The following FOLH1 variants were observed in gnomAD, a reference collection of about 807,000 sequenced individuals.
The protein encoded by FOLH1 is glutamate carboxypeptidase 2.
In FOLH1, 54 loss-of-function variants were observed where a neutral mutation model predicts 93.9. That is an observed-to-expected ratio of 0.57 (90% CI 0.46 to 0.72). The LOEUF is 0.72. Ranked by LOEUF, FOLH1 falls within the 30% of genes least tolerant of loss-of-function variation. FOLH1 has a pLI of 0.00. For missense variants in FOLH1, 571 were observed against 892.5 expected (o/e 0.64, Z 4.59); for synonymous variants, 249 against 303.6 (o/e 0.82, Z 1.87).
At chr11:49,155,874 G>A (rs752228538) in intron 15 of FOLH1, among the ~76,000 whole-genome samples, 4 of 121,452 alleles carry the variant, frequency 3.3e-5, no homozygotes, top group Middle Eastern at 6.4e-3. Flanking sequence ...ACTTTTACAC[G>A]TACACAGTGT....
chr11:49,194,062 G>A (rs757729093), intron 3 of FOLH1, among the ~76,000 whole-genome samples: 28 of 134,336 alleles, frequency 2.1e-4, no homozygotes, highest in Admixed American at 9.7e-4. Context: ...TGAGACAGGA[G>A]AATCACTTGA....
chr11:49,181,408 C>A (rs915276609), intron 7 of FOLH1, among the ~76,000 whole-genome samples: 4 of 151,882 alleles, frequency 2.6e-5, no homozygotes, highest in African/African-American at 4.8e-5. Context: ...CCGCGCCCAG[C>A]CCCATGTTTT....
intron 4 of FOLH1, among the ~76,000 whole-genome samples, chr11:49,191,903 T>C (rs1862090953): frequency 6.6e-6 from 1 of 152,150 alleles, no homozygotes; most frequent in Admixed American, 6.5e-5. Flanking sequence ...TTTCCCCATG[T>C]TGGCCAGGCT....
At chr11:49,179,473 T>C (rs1413374186) in intron 7 of FOLH1, among the ~76,000 whole-genome samples, 1 of 152,166 alleles carries the variant, frequency 6.6e-6, no homozygotes, top group Non-Finnish European at 1.5e-5. Context: ...TTCACAAATA[T>C]ATGGAAATTA....
chr11:49,179,633 A>G (rs1047727716), intron 7 of FOLH1, among the ~76,000 whole-genome samples: 2 of 152,220 alleles, frequency 1.3e-5, no homozygotes, highest in Non-Finnish European at 2.9e-5. Flanking sequence ...ACATAGCTGT[A>G]AACACCTATA....
chr11:49,169,295 A>G, intron 11 of FOLH1, 37 bp from the exon 12 acceptor site: 1 of 1,586,958 alleles, frequency 6.3e-7, no homozygotes, highest in Non-Finnish European at 8.6e-7. Flanking sequence ...ATAAAGTTAT[A>G]ACCCACTCCC....
intron 15 of FOLH1, among the ~76,000 whole-genome samples, 187 bp downstream of exon 15, chr11:49,156,530 T>G (rs1354227331): frequency 6.6e-6 from 1 of 151,976 alleles, no homozygotes; most frequent in Non-Finnish European, 1.5e-5. Context: ...ACACTTGAAT[T>G]TAGGGTTGGA....
chr11:49,195,670 A>G (rs1862541077), intron 3 of FOLH1, among the ~76,000 whole-genome samples: 1 of 145,136 alleles, frequency 6.9e-6, no homozygotes, highest in South Asian at 2.1e-4. Context: ...TCTCAAGAGC[A>G]ATAAGAAAAA....
rs1864203197 is a variant in FOLH1, at chr11:49,208,296, G to A, written c.114C>T (p.Leu38=). 3.2e-6 allele frequency: 5 copies of A among 1,557,874 alleles called. No individual in the cohort carries two copies. The African/African-American group carries it at 4.1e-5, about 13-fold the overall frequency. The part of the protein sequence containing the change: ...LAGGFFLLGF[L]FGWFIKSSNE... ...CTCCGCGAGGCGCCCCCCTACCGAA[G>A]AGGAAGCCGAGGAGAAAGAAGCCAC... The change falls in exon 1 of 19, where the codon CTC becomes CTT. Residue 38 remains leucine (L), a synonymous_variant. Coordinates refer to ENST00000256999, the MANE Select transcript of FOLH1 (RefSeq NM_004476.3).
At chr11:49,174,846 A>T (rs771259407) in intron 9 of FOLH1, 46 bp downstream of exon 9, 4 of 1,460,058 alleles carry the variant, frequency 2.7e-6, no homozygotes, top group Non-Finnish European at 3.8e-6. Context: ...TATCCAGCAC[A>T]TAACAGTTAC....
At chr11:49,168,649 G>A (rs1262244314) in intron 12 of FOLH1, among the ~76,000 whole-genome samples, 3 of 152,082 alleles carry the variant, frequency 2.0e-5, no homozygotes, top group Admixed American at 2.0e-4. Flanking sequence ...TTTTGCATTT[G>A]TAATAGCTAT....
At chr11:49,160,283 A>G in intron 13 of FOLH1, among the ~76,000 whole-genome samples, 1 of 151,598 alleles carries the variant, frequency 6.6e-6, no homozygotes, top group East Asian at 1.9e-4. Context: ...CAGCTCCTGG[A>G]TTCGTTAATA....
chr11:49,206,658 T>G (rs1377235847), intron 1 of FOLH1: 1 of 790,950 alleles, frequency 1.3e-6, no homozygotes, highest in East Asian at 2.7e-5. Flanking sequence ...TGAAGGAAAT[T>G]CAGACTTCTA....
At chr11:49,155,365 G>A (rs1181302192) in intron 15 of FOLH1, among the ~76,000 whole-genome samples, 1 of 152,032 alleles carries the variant, frequency 6.6e-6, no homozygotes, top group African/African-American at 2.4e-5. Flanking sequence ...CTCACAGACA[G>A]GAGACTGAAG....
chr11:49,186,260 T>C (rs1861362376), intron 5 of FOLH1, among the ~76,000 whole-genome samples: 1 of 152,254 alleles, frequency 6.6e-6, no homozygotes, highest in South Asian at 2.1e-4. Flanking sequence ...TTGCTATGTG[T>C]AAATTGTTTT....
intron 12 of FOLH1, among the ~76,000 whole-genome samples, chr11:49,166,254 T>G (rs1285162934): frequency 6.6e-6 from 1 of 152,134 alleles, no homozygotes; most frequent in Admixed American, 6.6e-5. Context: ...CAAATACCTG[T>G]ATAAGGTGGT....
chr11:49,186,528 G>C (rs891079272), intron 5 of FOLH1, 116 bp downstream of exon 5: 24 of 1,235,444 alleles, frequency 1.9e-5, no homozygotes, highest in Non-Finnish European at 2.7e-5. Context: ...GCATGTCACA[G>C]AATACAAGAA....
At chr11:49,187,039 C>G (rs1861471726) in intron 4 of FOLH1, among the ~76,000 whole-genome samples, 1 of 150,966 alleles carries the variant, frequency 6.6e-6, no homozygotes, top group African/African-American at 2.4e-5. Context: ...AGAAGCACCC[C>G]CCCCACACAC....
At chr11:49,160,633 G>A (rs1422958103) in intron 13 of FOLH1, among the ~76,000 whole-genome samples, 3 of 151,940 alleles carry the variant, frequency 2.0e-5, no homozygotes, top group Non-Finnish European at 2.9e-5. Flanking sequence ...TAGTAGAGAC[G>A]GGGTTTCACT....
Sources: allele counts gnomAD v4.1 joint callset (sites outside exome capture counted in the v4.1 genomes callset), GRCh38; gene constraint gnomAD v4.1.1; transcripts MANE v1.5; gene names NCBI Gene and HGNC (gene_info 2026-07-23, HGNC 2026-07-21).